Variants in CCDC178 observed in about 807,000 individuals in gnomAD.
CCDC178 encodes the protein coiled-coil domain containing 178.
Under a neutral mutation model 117.4 loss-of-function variants are expected in CCDC178, and 126 were observed. That is an observed-to-expected ratio of 1.07 (90% CI 0.93 to 1.24). The LOEUF is 1.24. Ranked by LOEUF, CCDC178 falls within the 50% of genes most tolerant of loss-of-function variation. The pLI, the probability that CCDC178 is intolerant of heterozygous loss-of-function variation, is 0.00. For missense variants in CCDC178, 1,030 were observed against 986.9 expected (o/e 1.04, Z -0.59); for synonymous variants, 283 against 313.4 (o/e 0.90, Z 1.02).
intron 10 of CCDC178, among the ~76,000 whole-genome samples, chr18:33,329,500 A>C (rs1311410051): frequency 6.6e-6 from 1 of 152,158 alleles, no homozygotes; most frequent in African/African-American, 2.4e-5. Context: ...TTATCATGTA[A>C]GAATTTTGGA....
chr18:33,400,679 C>A (rs1037108819), intron 3 of CCDC178, among the ~76,000 whole-genome samples: 2 of 152,174 alleles, frequency 1.3e-5, no homozygotes, highest in Non-Finnish European at 2.9e-5. Flanking sequence ...AATGTTGTGT[C>A]TGGTTTGATC....
intron 22 of CCDC178, among the ~76,000 whole-genome samples, chr18:32,939,601 G>T (rs1020579270): frequency 6.6e-5 from 10 of 152,100 alleles, no homozygotes; most frequent in Non-Finnish European, 1.2e-4. Context: ...AAGAACTTAG[G>T]TCTTGATTTG....
At position 33,300,857 on chromosome 18, in the gene CCDC178, A is replaced by G. The variant is rs139497086; in HGVS notation, c.1023-7545T>C. ...AGGGAAGCAGAGAGTAAAAGTCTGG[A>G]AAGTTTGCAGCCTGGCCATGTGGCA... On this transcript the variant is annotated intron_variant, in intron 11 of 22. Transcript: ENST00000383096. 7.4e-3 allele frequency among the ~76,000 whole-genome samples: 1,129 copies of G among 152,356 alleles called. 16 individuals are homozygous for G. Among genetic ancestry groups the G allele is most frequent in the African/African-American group, 0.025 (1,052 of 41,576 alleles).
rs1380913797 is a variant in CCDC178 at position 33,341,125 on chromosome 18, A to C, written c.658+5086T>G. On this transcript the variant is annotated intron_variant, in intron 9 of 22. Coordinates refer to ENST00000383096, the MANE Select transcript of CCDC178 (RefSeq NM_001105528.4). Reference sequence around the variant, plus strand: ...AAGACTGTGGGAACCTACCTCTTACATCAGCATGACCTGGATGTGAGACCT... The same window carrying C: ...AAGACTGTGGGAACCTACCTCTTACCTCAGCATGACCTGGATGTGAGACCT... 1.3e-5 allele frequency among the ~76,000 whole-genome samples: 2 copies of C among 152,192 alleles called. 1 individual carries two copies. The highest frequency in any genetic ancestry group is 2.9e-5 in the Non-Finnish European group (2 of 68,032).
rs943856514 is a variant in CCDC178, at chr18:33,093,185, C to T, written c.2239-275G>A. Among the ~76,000 whole-genome samples the T allele has an allele frequency of 2.6e-5, 4 of 152,082 alleles. No homozygotes were observed. In the South Asian group the frequency reaches 6.2e-4, roughly 24 times the overall value. On this transcript the variant is annotated intron_variant, in intron 20 of 22. Coordinates refer to ENST00000383096, the MANE Select transcript of CCDC178 (RefSeq NM_001105528.4). ...ACTTTTAATTCACCTCTTTTCACTG[C>T]CTTTTTCCTGAACTTCCCTCTATCA...
intron 21 of CCDC178, among the ~76,000 whole-genome samples, chr18:33,055,333 C>A (rs1034339484): frequency 2.0e-5 from 3 of 151,902 alleles, no homozygotes; most frequent in African/African-American, 7.3e-5. Context: ...CTTTAACTTC[C>A]TATTCTTTTT....
At chr18:33,384,681 G>A (rs1381095102) in intron 5 of CCDC178, among the ~76,000 whole-genome samples, 1 of 152,132 alleles carries the variant, frequency 6.6e-6, no homozygotes, top group Non-Finnish European at 1.5e-5. Context: ...TTTGTGAACA[G>A]CAGGTCTGCC....
chr18:33,014,812 A>C (rs910922526), intron 21 of CCDC178, among the ~76,000 whole-genome samples: 4 of 152,234 alleles, frequency 2.6e-5, no homozygotes, highest in African/African-American at 9.6e-5. Context: ...ATCACAAAAC[A>C]AGGCACAGCA....
chr18:33,341,691 T>C (rs1329631398), intron 9 of CCDC178, among the ~76,000 whole-genome samples: 2 of 152,160 alleles, frequency 1.3e-5, no homozygotes, highest in Non-Finnish European at 2.9e-5. Flanking sequence ...TCCTCATTTT[T>C]CTCTTGCCAC....
chr18:33,136,137 T>C (rs1177670653), intron 20 of CCDC178: 1 of 152,238 alleles, frequency 6.6e-6, no homozygotes, highest in Non-Finnish European at 1.5e-5. Context: ...GAAATGACTG[T>C]GTAGAGCTTA....
chr18:33,393,302 T>A (rs2063586597), intron 4 of CCDC178, among the ~76,000 whole-genome samples: 1 of 152,214 alleles, frequency 6.6e-6, no homozygotes, highest in African/African-American at 2.4e-5. Flanking sequence ...CTTATATTTA[T>A]GTGTGTATGG....
chr18:33,038,039 G>A (rs1423031903), intron 21 of CCDC178, among the ~76,000 whole-genome samples: 2 of 151,844 alleles, frequency 1.3e-5, no homozygotes, highest in Admixed American at 6.6e-5. Context: ...TGGAGAATTA[G>A]ATTGATCAGA....
intron 7 of CCDC178, among the ~76,000 whole-genome samples, chr18:33,351,256 G>C (rs1193670050): frequency 6.6e-6 from 1 of 151,782 alleles, no homozygotes; most frequent in African/African-American, 2.4e-5. Context: ...GCAGTGGAGC[G>C]ATCTTGGCTC....
At chr18:32,983,573 T>C (rs1167282838) in intron 21 of CCDC178, among the ~76,000 whole-genome samples, 2 of 152,076 alleles carry the variant, frequency 1.3e-5, no homozygotes, top group African/African-American at 4.8e-5. Context: ...CAAAATACGA[T>C]AAAGGCCATC....
chr18:33,125,095 G>T (rs1283382579), intron 20 of CCDC178, among the ~76,000 whole-genome samples: 1 of 151,860 alleles, frequency 6.6e-6, no homozygotes, highest in African/African-American at 2.4e-5. Context: ...CACAATAGTG[G>T]GTATCTATTT....
At chr18:32,996,834 T>C (rs1338065093) in intron 21 of CCDC178, among the ~76,000 whole-genome samples, 2 of 151,768 alleles carry the variant, frequency 1.3e-5, no homozygotes, top group African/African-American at 4.8e-5. Flanking sequence ...AGCAAAAAAG[T>C]GACACATGTA....
At chr18:33,030,939 G>C (rs914146362) in intron 21 of CCDC178, among the ~76,000 whole-genome samples, 1 of 152,108 alleles carries the variant, frequency 6.6e-6, no homozygotes, top group African/African-American at 2.4e-5. Context: ...GAAGGCCTCA[G>C]AACTAGGGAG....
chr18:33,052,069 A>G (rs1232628467), intron 21 of CCDC178, among the ~76,000 whole-genome samples: 1 of 152,190 alleles, frequency 6.6e-6, no homozygotes, highest in Non-Finnish European at 1.5e-5. Context: ...CCACTGTCAC[A>G]GTCAATGACC....
chr18:33,267,204 C>A lies in CCDC178; in HGVS notation c.1270G>T (p.Ala424Ser). ...YLEAVNDFYA[A>S]KKTWDIELSD... ...GAAGTAGGAAAAAATCAACTTACTG[C>A]AGCATAAAAATCATTAACTGCTTCC... is the stretch of plus-strand genomic sequence containing the variant. Residue 424 changes from alanine (A) to serine (S), a missense_variant and splice_region_variant, in exon 13 of 23, where the codon GCA becomes TCA. Transcript: ENST00000383096. 3 of 1,592,504 alleles carry A rather than the reference C, an allele frequency of 1.9e-6. No individual in the cohort carries two copies. Among genetic ancestry groups the A allele is most frequent in the South Asian group, 1.2e-5 (1 of 86,802 alleles).
Sources: gnomAD v4.1 joint callset for allele counts (sites outside exome capture counted in the v4.1 genomes callset) on GRCh38, gnomAD v4.1.1 for gene constraint, MANE v1.5 for transcripts, NCBI Gene and HGNC (gene_info 2026-07-23, HGNC 2026-07-21) for gene names.